Variants in ANKS1A observed in about 807,000 individuals in gnomAD.
ANKS1A encodes the protein ankyrin repeat and sterile alpha motif domain containing 1A.
ANKS1A carries 55 observed loss-of-function variants against 120.3 expected under a neutral mutation model. The ratio of observed to expected loss-of-function variants is 0.46; its 90% confidence interval spans 0.37 to 0.57. The LOEUF (loss-of-function observed/expected upper bound fraction) is 0.57. ANKS1A is among the 20% of genes least tolerant of loss of function. ANKS1A has a pLI of 0.00. For synonymous variants in ANKS1A, 590 were observed against 604.7 expected, an observed-to-expected ratio of 0.98 and a Z score of 0.36; for missense variants, 1,123 against 1,480.3, an observed-to-expected ratio of 0.76 and a Z score of 3.96.
chr6:35,047,075 C>T (rs1310411949), intron 11 of ANKS1A, among the ~76,000 whole-genome samples: 1 of 152,226 alleles, frequency 6.6e-6, no homozygotes, highest in African/African-American at 2.4e-5. Flanking sequence ...ACTCTGTCAA[C>T]TTCATTTATA....
chr6:34,988,284 C>T (rs999896899), intron 8 of ANKS1A, among the ~76,000 whole-genome samples: 4 of 152,192 alleles, frequency 2.6e-5, no homozygotes, highest in African/African-American at 9.7e-5. Context: ...CCTTAAAAAG[C>T]TTCTTTTCCT....
At chr6:35,026,106 G>A (rs1168530102) in intron 11 of ANKS1A, among the ~76,000 whole-genome samples, 7 of 152,212 alleles carry the variant, frequency 4.6e-5, no homozygotes, top group Non-Finnish European at 1.0e-4. Flanking sequence ...CCATACAAAT[G>A]CTGAGAATCA....
At chr6:35,036,450 C>G (rs1775174089) in intron 11 of ANKS1A, among the ~76,000 whole-genome samples, 1 of 152,210 alleles carries the variant, frequency 6.6e-6, no homozygotes, top group Non-Finnish European at 1.5e-5. Flanking sequence ...AAGGATGTGA[C>G]CTACTCAGAG....
chr6:34,961,445 G>A (rs1770633590), intron 1 of ANKS1A, among the ~76,000 whole-genome samples: 2 of 152,096 alleles, frequency 1.3e-5, no homozygotes, highest in South Asian at 4.1e-4. Context: ...TGGAGGAGAA[G>A]GTAGAGAAAA....
chr6:34,912,945 A>G (rs773205297), intron 1 of ANKS1A, among the ~76,000 whole-genome samples: 3 of 152,110 alleles, frequency 2.0e-5, no homozygotes, highest in Non-Finnish European at 4.4e-5. Context: ...CTGACTCACC[A>G]TTTGGTTCCT....
chr6:35,083,542 C>T (rs772779784), intron 20 of ANKS1A, 39 bp downstream of exon 20: 76 of 1,599,408 alleles, frequency 4.8e-5, no homozygotes, highest in Non-Finnish European at 6.5e-5. Context: ...GAGTGGGACC[C>T]ACATCCCCGT....
At chr6:35,027,877 A>G (rs1164659547) in intron 11 of ANKS1A, among the ~76,000 whole-genome samples, 1 of 152,194 alleles carries the variant, frequency 6.6e-6, no homozygotes, top group African/African-American at 2.4e-5. Context: ...GGCAGGGCCA[A>G]GATGCTGAGC....
At position 35,084,362 on chromosome 6, in the gene ANKS1A, A is replaced by G. The variant is rs1418730237; in HGVS notation, c.3132+104A>G. On this transcript the variant is annotated intron_variant, in intron 21 of 23. Transcript: ENST00000360359. The surrounding 1 kb of genome is among the most constrained non-coding windows in gnomAD (Gnocchi z 4.8). ...TGCGGCGCTGTCCTGGCCCCTGGCCAGTGCCTGGCAAATGTTTGGTTCATG... is the reference window on the plus strand; with the variant it reads ...TGCGGCGCTGTCCTGGCCCCTGGCCGGTGCCTGGCAAATGTTTGGTTCATG... 5 of 1,458,024 alleles carry G rather than the reference A, an allele frequency of 3.4e-6. No individual in the cohort carries two copies. Among genetic ancestry groups the G allele is most frequent in the Non-Finnish European group, 4.6e-6 (5 of 1,097,600 alleles). The allele number at this position is 1,458,024 out of a possible 1,614,324, so 90.3% of individuals were successfully genotyped here. A position where few individuals can be genotyped will look rare whatever the true frequency, so the allele number is the denominator to read the frequency against.
In ANKS1A at chr6:35,018,046, C is replaced by T. The variant is rs779266197; in HGVS notation, c.1997C>T (p.Ser666Leu). The change falls in exon 11 of 24, where the codon TCG (serine) becomes TTG (leucine). Residue 666 changes from serine to leucine, a missense_variant. Around this residue, in one of 3 missense-constraint regions of ANKS1A, gnomAD observed 904 missense variants for 1,130.4 expected, o/e 0.80. Transcript: ENST00000360359. ...KRLEKSPSFASEWDEIEKIMS... is the reference protein window; with the variant it reads ...KRLEKSPSFALEWDEIEKIMS... Reference sequence around the variant, plus strand: ...CTAGAGAAGTCACCCTCCTTCGCCTCGGAGTGGGATGAGGTAAGGCCGACA... The same window carrying T: ...CTAGAGAAGTCACCCTCCTTCGCCTTGGAGTGGGATGAGGTAAGGCCGACA... The T allele has an allele frequency of 2.5e-5, 41 of 1,613,414 alleles. No homozygotes were observed. Among genetic ancestry groups the T allele is most frequent in the Non-Finnish European group, 3.1e-5 (37 of 1,179,876 alleles).
chr6:35,039,138 AC>A (rs1775330158), intron 11 of ANKS1A, among the ~76,000 whole-genome samples: 1 of 148,622 alleles, frequency 6.7e-6, no homozygotes, highest in East Asian at 2.0e-4. Flanking sequence ...TCATGTGATC[AC>A]CACCACAATC....
chr6:35,057,147 C>T lies in ANKS1A; in HGVS notation c.2077+2982C>T, dbSNP rs1315887386. ...GCCCGCACCCCCCAGCCGAAGGGCA[C>T]GACCACAGCATTGGAGTCTCAGTTC... On this transcript the variant is annotated intron_variant, in intron 12 of 23. Transcript: ENST00000360359. This position sits in a 1 kb window ranked among gnomAD's most constrained non-coding sequence, Gnocchi z 4.1. Among the ~76,000 whole-genome samples, 3 of 152,052 alleles carry T rather than the reference C, an allele frequency of 2.0e-5. No individual in the cohort carries two copies. The highest frequency in any genetic ancestry group is 6.6e-5 in the Admixed American group (1 of 15,266).
At chr6:34,940,448 G>C (rs1001877019) in intron 1 of ANKS1A, among the ~76,000 whole-genome samples, 8 of 152,102 alleles carry the variant, frequency 5.3e-5, no homozygotes, top group Admixed American at 1.3e-4. Flanking sequence ...ACAAGGATGA[G>C]AATTTGGAGG....
chr6:35,079,212 G>A (rs368783275), intron 14 of ANKS1A, among the ~76,000 whole-genome samples: 2 of 152,186 alleles, frequency 1.3e-5, no homozygotes, highest in East Asian at 1.9e-4. Context: ...CTCCAGGCCC[G>A]TGACCTCAGC....
chr6:35,066,857 G>A (rs1776803002), intron 13 of ANKS1A, among the ~76,000 whole-genome samples: 1 of 152,316 alleles, frequency 6.6e-6, no homozygotes, highest in Non-Finnish European at 1.5e-5. Flanking sequence ...GGATGTCAAT[G>A]TGGGGCTACT....
At chr6:34,993,494 A>T (rs890638099) in intron 9 of ANKS1A, among the ~76,000 whole-genome samples, 41 of 152,210 alleles carry the variant, frequency 2.7e-4, no homozygotes, top group African/African-American at 9.7e-4. Context: ...TTCCCCCTCC[A>T]CACTGAAATT....
intron 13 of ANKS1A, among the ~76,000 whole-genome samples, chr6:35,066,362 T>C (rs963988152): frequency 6.6e-6 from 1 of 151,902 alleles, no homozygotes; most frequent in African/African-American, 2.4e-5. Flanking sequence ...ACCAAGCCTC[T>C]GACTCCAGAC....
chr6:35,055,332 A>AT lies in ANKS1A; in HGVS notation c.2077+1167_2077+1168insT, dbSNP rs1200308757. On this transcript the variant is annotated intron_variant, in intron 12 of 23. Coordinates refer to ENST00000360359, the MANE Select transcript of ANKS1A (RefSeq NM_015245.3). The stretch of plus-strand genomic sequence containing the variant: ...TGTGAATAAGTAGTAGATAAAAAAA[A>AT]ATTTTTTTTTTTTTTGAGACGGAGT... 7.7e-3 allele frequency among the ~76,000 whole-genome samples: 1,161 copies of AT among 150,650 alleles called. 3 individuals carry two copies. The highest frequency in any genetic ancestry group is 0.017 in the South Asian group (81 of 4,714).
At chr6:35,023,653 C>T in intron 11 of ANKS1A, 7 of 456,284 alleles carry the variant, frequency 1.5e-5, no homozygotes, top group South Asian at 1.1e-4. Flanking sequence ...TCACAAGCAG[C>T]AGTGGTAGCT....
In ANKS1A at chr6:35,085,789, G is replaced by A. The variant is rs1332991376; in HGVS notation, c.3156G>A (p.Leu1052=). 1 of 1,602,532 alleles carries A rather than the reference G, an allele frequency of 6.2e-7. No homozygotes were observed. Among genetic ancestry groups the A allele is most frequent in the Non-Finnish European group, 8.5e-7 (1 of 1,175,318 alleles). Residue 1052 remains leucine, a synonymous_variant, in exon 22 of 24, where the codon CTG becomes CTA. Transcript: ENST00000360359. The surrounding 1 kb of genome is among the most constrained non-coding windows in gnomAD (Gnocchi z 4.7). Reference sequence around the variant, plus strand: ...AGAACCTGACCTACGAGATCATCCTGACGCTGGGGCAGGCCTTCGAAGTGG... The same window carrying A: ...AGAACCTGACCTACGAGATCATCCTAACGCTGGGGCAGGCCTTCGAAGTGG... The part of the protein sequence containing the change: ...VDVNLTYEII[L]TLGQAFEVAY...
Sources: gnomAD v4.1 joint callset for allele counts (sites outside exome capture counted in the v4.1 genomes callset) on GRCh38, gnomAD v4.1.1 for gene constraint, gnomAD v4.1.1 regional missense constraint, Gnocchi (gnomAD v3.1) non-coding constraint, MANE v1.5 for transcripts, NCBI Gene and HGNC (gene_info 2026-07-23, HGNC 2026-07-21) for gene names.